Variants in PTPRT observed in about 807,000 individuals in gnomAD.
PTPRT encodes the protein receptor-type tyrosine-protein phosphatase T.
In PTPRT, 56 loss-of-function variants were observed where a neutral mutation model predicts 176.8. The observed-to-expected ratio is 0.32, with a 90% CI of 0.26 to 0.40. The LOEUF (loss-of-function observed/expected upper bound fraction) is 0.40, where lower values mean the gene tolerates loss of function less well. Ranked by LOEUF, PTPRT falls within the 10% of genes least tolerant of loss-of-function variation. The pLI is 1.00. For synonymous variants in PTPRT, 783 were observed against 739.0 expected, an observed-to-expected ratio of 1.06 and a Z score of -0.96; for missense variants, 1,540 against 1,908.2, an observed-to-expected ratio of 0.81 and a Z score of 3.60.
At chr20:42,094,280 G>C (rs560863876) in intron 27 of PTPRT, among the ~76,000 whole-genome samples, 1 of 152,178 alleles carries the variant, frequency 6.6e-6, no homozygotes, top group South Asian at 2.1e-4. Context: ...AGCCAAAAGC[G>C]TAGGGTGGTG....
rs530646803 is a variant in PTPRT, at chr20:42,849,155, G to A, written c.214+36652C>T. On this transcript the variant is annotated intron_variant, in intron 2 of 30. Transcript: ENST00000373187. ...GGCTTATTTCTGAGTTCTCTATTCT[G>A]TTCCACTGGTCTATGTGCCTGTTTT... is the stretch of plus-strand genomic sequence containing the variant. Among the ~76,000 whole-genome samples the A allele has an allele frequency of 2.6e-5, 4 of 152,274 alleles. No individual in the cohort carries two copies. The South Asian group carries it at 8.3e-4, about 32-fold the overall frequency.
chr20:42,924,029 A>G (rs1177548188), intron 1 of PTPRT, among the ~76,000 whole-genome samples: 4 of 151,914 alleles, frequency 2.6e-5, no homozygotes, highest in African/African-American at 9.7e-5. Context: ...TATTTTTAGT[A>G]TTTTTAGTAG....
At chr20:42,210,017 C>T (rs1480668710) in intron 15 of PTPRT, among the ~76,000 whole-genome samples, 1 of 152,116 alleles carries the variant, frequency 6.6e-6, no homozygotes, top group Non-Finnish European at 1.5e-5. Flanking sequence ...AAATGTAATC[C>T]AGCATATAAA....
At chr20:43,006,411 T>C (rs1039913367) in intron 1 of PTPRT, among the ~76,000 whole-genome samples, 2 of 152,208 alleles carry the variant, frequency 1.3e-5, no homozygotes, top group Admixed American at 1.3e-4. Context: ...ATCATTCATA[T>C]GGGCTTTCAC....
chr20:42,197,671 G>A (rs1991284142), intron 16 of PTPRT, among the ~76,000 whole-genome samples: 1 of 151,712 alleles, frequency 6.6e-6, no homozygotes, highest in Non-Finnish European at 1.5e-5. Context: ...ATTCTCTGGA[G>A]GTAAAGTGTC....
intron 1 of PTPRT, among the ~76,000 whole-genome samples, chr20:43,144,018 T>C (rs189652620): frequency 5.0e-4 from 76 of 152,254 alleles, no homozygotes; most frequent in African/African-American, 1.7e-3. Context: ...GGTTCTTCCA[T>C]CCACAGCTAC....
At chr20:42,951,106 A>ATGGAGGAT (rs1242369264) in intron 1 of PTPRT, among the ~76,000 whole-genome samples, 1 of 152,178 alleles carries the variant, frequency 6.6e-6, no homozygotes, top group Non-Finnish European at 1.5e-5. Context: ...GATGGATGAG[A>ATGGAGGAT]GAATGAAGGA....
At chr20:43,031,389 C>T (rs924932563) in intron 1 of PTPRT, among the ~76,000 whole-genome samples, 1 of 152,200 alleles carries the variant, frequency 6.6e-6, no homozygotes, top group African/African-American at 2.4e-5. Context: ...AACAAGGCAA[C>T]ATCTTTGAGG....
chr20:42,165,683 C>G (rs958630524), intron 16 of PTPRT, among the ~76,000 whole-genome samples: 2 of 152,178 alleles, frequency 1.3e-5, no homozygotes, highest in African/African-American at 2.4e-5. Flanking sequence ...GACAGAGGAG[C>G]TGAATTTTAA....
intron 30 of PTPRT, among the ~76,000 whole-genome samples, chr20:42,081,174 T>C (rs1198239430): frequency 3.9e-5 from 6 of 152,128 alleles, no homozygotes. Flanking sequence ...TTTTTACTGT[T>C]TTGTACAACA....
intron 1 of PTPRT, among the ~76,000 whole-genome samples, chr20:42,897,826 G>A (rs1294073640): frequency 1.3e-5 from 2 of 152,238 alleles, no homozygotes; most frequent in East Asian, 3.9e-4. Flanking sequence ...AACTCTTAAG[G>A]CTGTTATGAG....
intron 1 of PTPRT, among the ~76,000 whole-genome samples, chr20:43,152,043 G>A (rs1361823211): frequency 3.3e-5 from 5 of 152,088 alleles, no homozygotes; most frequent in Admixed American, 2.6e-4. Context: ...GCAACATCTG[G>A]ATGAAGCTTT....
chr20:42,106,414 G>A (rs1322762039), intron 24 of PTPRT, among the ~76,000 whole-genome samples: 3 of 152,170 alleles, frequency 2.0e-5, no homozygotes, highest in Admixed American at 6.5e-5. Context: ...CGCTTGGCAC[G>A]TAGTGGTCAC....
intron 7 of PTPRT, among the ~76,000 whole-genome samples, chr20:42,638,408 C>A (rs1053392991): frequency 3.3e-5 from 5 of 152,122 alleles, no homozygotes; most frequent in Non-Finnish European, 7.4e-5. Flanking sequence ...AGATACTCAC[C>A]CTTCGCTCCT....
chr20:43,118,777 GAACTTAGTGATCCACCCAAGAT>G (rs2013150581), intron 1 of PTPRT, among the ~76,000 whole-genome samples: 2 of 152,168 alleles, frequency 1.3e-5, no homozygotes, highest in South Asian at 4.1e-4. Flanking sequence ...TAAGGTTTCT[GAACTTAGTGATCCACCCAAGAT>G]CACACAGCTA....
intron 1 of PTPRT, among the ~76,000 whole-genome samples, chr20:43,037,299 C>T (rs1448618563): frequency 6.6e-6 from 1 of 152,208 alleles, no homozygotes; most frequent in East Asian, 1.9e-4. Context: ...CACTATTTTA[C>T]AGGAAAATAT....
chr20:42,041,058 C>T, the PTPRT span, among the ~76,000 whole-genome samples: 2 of 152,162 alleles, frequency 1.3e-5, no homozygotes, highest in Non-Finnish European at 2.9e-5. Context: ...ACATAGGACT[C>T]CTAGCTTCTA....
chr20:42,299,082 C>CAA (rs139949429), intron 12 of PTPRT, among the ~76,000 whole-genome samples: 123 of 150,092 alleles, frequency 8.2e-4, no homozygotes, highest in African/African-American at 2.8e-3. Context: ...AAAATTTTCA[C>CAA]AAAAAAAAAC....
chr20:42,620,828 G>C (rs1569024588), intron 7 of PTPRT, among the ~76,000 whole-genome samples: 1 of 152,106 alleles, frequency 6.6e-6, no homozygotes, highest in Non-Finnish European at 1.5e-5. Context: ...CCACTGGCCT[G>C]CGCCCACTGT....
Sources: allele counts gnomAD v4.1 joint callset (sites outside exome capture counted in the v4.1 genomes callset), GRCh38; gene constraint gnomAD v4.1.1; transcripts MANE v1.5; gene names NCBI Gene and HGNC (gene_info 2026-07-23, HGNC 2026-07-21).